RSPH9: variants seen among roughly 807,000 people sequenced by gnomAD.
RSPH9 encodes the protein radial spoke head component 9.
In RSPH9, 27 loss-of-function variants were observed where a neutral mutation model predicts 27.0. The ratio of observed to expected loss-of-function variants is 1.00; its 90% CI spans 0.74 to 1.38. The LOEUF (loss-of-function observed/expected upper bound fraction) is 1.38, where lower values mean the gene tolerates loss of function less well. Ranked by LOEUF, RSPH9 falls within the 40% of genes most tolerant of loss-of-function variation. The pLI, the probability that RSPH9 is intolerant of heterozygous loss-of-function variation, is 0.00. For synonymous variants in RSPH9, 145 were observed against 147.7 expected, an observed-to-expected ratio of 0.98 and a Z score of 0.13; for missense variants, 347 against 357.4, an observed-to-expected ratio of 0.97 and a Z score of 0.24.
intron 4 of RSPH9, 42 bp downstream of exon 4, chr6:43,656,765 G>A: frequency 6.2e-7 from 1 of 1,608,616 alleles, no homozygotes; most frequent in Non-Finnish European, 8.5e-7. Flanking sequence ...CTGTCCTCAG[G>A]CCATAGCAGT....
chr6:43,671,699 T>G lies in RSPH9; in HGVS notation c.*750T>G. Reference sequence around the variant, plus strand: ...AGGAGTATAGTTGTGGCCAAGGGCTTGTGAGTGGGCCTCCTACTCCCCAGC... The same window carrying G: ...AGGAGTATAGTTGTGGCCAAGGGCTGGTGAGTGGGCCTCCTACTCCCCAGC... On this transcript the variant is annotated 3_prime_UTR_variant, in exon 5 of 5. Coordinates refer to ENST00000372163, the MANE Select transcript of RSPH9 (RefSeq NM_152732.5). 6.3e-7 allele frequency: 1 copy of G among 1,596,706 alleles called. No individual in the cohort carries two copies. The highest frequency in any genetic ancestry group is 8.6e-7 in the Non-Finnish European group (1 of 1,165,626).
At chr6:43,659,968 T>A (rs1772442565) in intron 4 of RSPH9, among the ~76,000 whole-genome samples, 1 of 145,978 alleles carries the variant, frequency 6.9e-6, no homozygotes, top group South Asian at 2.3e-4. Context: ...ACTCATGACC[T>A]CAGGTGATCT....
At chr6:43,650,293 C>A in intron 1 of RSPH9, 82 bp from the exon 2 acceptor site, 3 of 1,539,834 alleles carry the variant, frequency 1.9e-6, no homozygotes, top group Non-Finnish European at 2.7e-6. Flanking sequence ...TGGGCCCAAC[C>A]CACTAGACAG....
intron 4 of RSPH9, among the ~76,000 whole-genome samples, chr6:43,663,807 A>G (rs1211468488): frequency 2.0e-5 from 3 of 152,048 alleles, no homozygotes; most frequent in African/African-American, 7.2e-5. Context: ...AGGTGGGCGG[A>G]TCACTAAAGG....
chr6:43,652,533 C>G (rs1771586541), intron 2 of RSPH9, among the ~76,000 whole-genome samples: 1 of 150,714 alleles, frequency 6.6e-6, no homozygotes, highest in African/African-American at 2.4e-5. Context: ...TCAAGTGATT[C>G]TCCTGCCTCA....
chr6:43,668,006 A>G (rs916699432), intron 4 of RSPH9, among the ~76,000 whole-genome samples: 3 of 152,048 alleles, frequency 2.0e-5, no homozygotes, highest in Admixed American at 2.0e-4. Flanking sequence ...TGGGCCCAGG[A>G]AACCCAGGAG....
At chr6:43,652,028 C>T (rs1241392993) in intron 2 of RSPH9, among the ~76,000 whole-genome samples, 1 of 151,792 alleles carries the variant, frequency 6.6e-6, no homozygotes, top group African/African-American at 2.4e-5. Flanking sequence ...GGGCATTGGC[C>T]AGGCACGGTG....
At chr6:43,646,497 G>A (rs1055654065) in intron 1 of RSPH9, among the ~76,000 whole-genome samples, 2 of 149,212 alleles carry the variant, frequency 1.3e-5, no homozygotes, top group Non-Finnish European at 3.0e-5. Flanking sequence ...GGCTGGTCTC[G>A]AACTCCTGGC....
Position 43,671,948 on chromosome 6 carries a change from C to T in RSPH9, c.*999C>T. 3 of 1,537,950 alleles carry T rather than the reference C, an allele frequency of 2.0e-6. No individual in the cohort carries two copies. Among genetic ancestry groups the T allele is most frequent in the Non-Finnish European group, 2.6e-6 (3 of 1,140,736 alleles). ...AAGAGGTGCCTGTGAGGGCTGGGGG[C>T]CCAAGCTGGACGTGGGAGAGTGGAG... is the stretch of plus-strand genomic sequence containing the variant. On this transcript the variant is annotated 3_prime_UTR_variant, in exon 5 of 5. Coordinates refer to ENST00000372163, the MANE Select transcript of RSPH9 (RefSeq NM_152732.5).
chr6:43,671,536 G>C lies in RSPH9; in HGVS notation c.*587G>C. ...TGAGCATGGCCTAAGCCCCATAGCA[G>C]CTGGCAAGGGACCCAACTGCCCTGC... On this transcript the variant is annotated 3_prime_UTR_variant, in exon 5 of 5. Coordinates refer to ENST00000372163, the MANE Select transcript of RSPH9 (RefSeq NM_152732.5). The C allele has an allele frequency of 1.7e-6, 1 of 585,792 alleles. No homozygotes were observed. Among genetic ancestry groups the C allele is most frequent in the Non-Finnish European group, 3.0e-6 (1 of 330,372 alleles). The allele number at this position is 585,792 out of a possible 1,614,324, so 36.3% of individuals were successfully genotyped here.
At position 43,671,835 on chromosome 6, in the gene RSPH9, C is replaced by T. The variant is rs138289141; in HGVS notation, c.*886C>T. On this transcript the variant is annotated 3_prime_UTR_variant, in exon 5 of 5. Transcript: ENST00000372163. Reference sequence around the variant, plus strand: ...CAGAAGGGGTGACCCCACGGGCATGCGCACCCTGTTCCAGCGGGGGCCTTT... The same window carrying T: ...CAGAAGGGGTGACCCCACGGGCATGTGCACCCTGTTCCAGCGGGGGCCTTT... 227 of 1,614,130 alleles carry T rather than the reference C, an allele frequency of 1.4e-4. 1 individual carries two copies. In the African/African-American group the frequency reaches 2.4e-3, roughly 17 times the overall value.
intron 4 of RSPH9, among the ~76,000 whole-genome samples, chr6:43,660,606 G>C (rs376991743): frequency 1.8e-4 from 28 of 152,148 alleles, no homozygotes; most frequent in Non-Finnish European, 3.4e-4. Context: ...TGGGACTACA[G>C]GCGCCCATCA....
intron 4 of RSPH9, among the ~76,000 whole-genome samples, chr6:43,663,602 A>G (rs994170242): frequency 6.6e-6 from 1 of 152,168 alleles, no homozygotes; most frequent in African/African-American, 2.4e-5. Flanking sequence ...GAGGGCTGGG[A>G]GAAGTCAGAA....
intron 4 of RSPH9, among the ~76,000 whole-genome samples, chr6:43,658,425 G>A (rs919974039): frequency 6.6e-6 from 1 of 151,894 alleles, no homozygotes; most frequent in Non-Finnish European, 1.5e-5. Context: ...GAAAAGTTGT[G>A]TTTGTACTAT....
At chr6:43,658,148 G>C (rs1320385478) in intron 4 of RSPH9, among the ~76,000 whole-genome samples, 1 of 151,938 alleles carries the variant, frequency 6.6e-6, no homozygotes, top group African/African-American at 2.4e-5. Context: ...AAATTAGCTG[G>C]GTATGGTAGC....
At chr6:43,659,675 C>T (rs1772409957) in intron 4 of RSPH9, among the ~76,000 whole-genome samples, 1 of 152,086 alleles carries the variant, frequency 6.6e-6, no homozygotes, top group South Asian at 2.1e-4. Flanking sequence ...AGCCACCCCG[C>T]CCGGCCCATG....
At chr6:43,669,364 C>T (rs901731867) in intron 4 of RSPH9, among the ~76,000 whole-genome samples, 1 of 152,228 alleles carries the variant, frequency 6.6e-6, no homozygotes, top group African/African-American at 2.4e-5. Context: ...GGGCAGGCGG[C>T]TGCACCCTGA....
In RSPH9 at chr6:43,672,345, A is replaced by G. The variant is rs762082785; in HGVS notation, c.*1396A>G. The stretch of plus-strand genomic sequence containing the variant: ...TACCCCAACCTTCAGGGAACTCCCC[A>G]GGGTACTATAACTGGTATAAGACCC... On this transcript the variant is annotated 3_prime_UTR_variant, in exon 5 of 5. Coordinates refer to ENST00000372163, the MANE Select transcript of RSPH9 (RefSeq NM_152732.5). 2.1e-5 allele frequency: 10 copies of G among 472,368 alleles called. No individual in the cohort carries two copies. The highest frequency in any genetic ancestry group is 1.4e-4 in the South Asian group (9 of 64,564). The allele number at this position is 472,368 out of a possible 1,614,324, so 29.3% of individuals were successfully genotyped here.
At position 43,650,412 on chromosome 6, in the gene RSPH9, A is replaced by G. The variant is rs1187060743; in HGVS notation, c.265A>G (p.Thr89Ala). The G allele has an allele frequency of 6.2e-7, 1 of 1,613,744 alleles. No homozygotes were observed. The highest frequency in any genetic ancestry group is 8.5e-7 in the Non-Finnish European group (1 of 1,180,008). Residue 89 changes from threonine (T) to alanine (A), a missense_variant, in exon 2 of 5, where the codon ACA (threonine) becomes GCA (alanine). Coordinates refer to ENST00000372163, the MANE Select transcript of RSPH9 (RefSeq NM_152732.5). ...CTEWSLLPPA[T>A]EEMVAQSSVV... ...AGAGTGGAGCCTCTTGCCCCCTGCC[A>G]CAGAGGAGATGGTGGCGCAGTCGTC...
Sources: gnomAD v4.1 joint callset for allele counts (sites outside exome capture counted in the v4.1 genomes callset) on GRCh38, gnomAD v4.1.1 for gene constraint, MANE v1.5 for transcripts, NCBI Gene and HGNC (gene_info 2026-07-23, HGNC 2026-07-21) for gene names.